SUSD6: variants seen among roughly 807,000 people sequenced by gnomAD.
SUSD6 encodes the protein sushi domain-containing protein 6.
A neutral mutation model predicts 28.4 loss-of-function variants in SUSD6; 16 were observed. The ratio of observed to expected loss-of-function variants is 0.56; its 90% CI spans 0.38 to 0.86. SUSD6 has a LOEUF of 0.86. Ranked by LOEUF, SUSD6 falls within the 40% of genes least tolerant of loss-of-function variation. The probability of loss-of-function intolerance (pLI) is 0.00; values close to 1 mark genes in which losing one functional copy is unlikely to be tolerated. For missense variants in SUSD6, 341 were observed against 384.2 expected, an observed-to-expected ratio of 0.89 and a Z score of 0.94; for synonymous variants, 147 against 159.6, an observed-to-expected ratio of 0.92 and a Z score of 0.59.
At chr14:69,617,789 C>T (rs776717061) in intron 1 of SUSD6, 16 of 152,214 alleles carry the variant, frequency 1.1e-4, no homozygotes, top group Non-Finnish European at 2.4e-4. Flanking sequence ...TGTGCACCTG[C>T]TCAAAGGCTT....
chr14:69,677,606 A>G (rs1290906394), intron 2 of SUSD6, among the ~76,000 whole-genome samples: 1 of 145,292 alleles, frequency 6.9e-6, no homozygotes, highest in Non-Finnish European at 1.5e-5. Flanking sequence ...TAGCTTTCAG[A>G]TGACTGTTTT....
intron 1 of SUSD6, among the ~76,000 whole-genome samples, chr14:69,642,353 C>G (rs1885364454): frequency 6.6e-6 from 1 of 152,166 alleles, no homozygotes. Context: ...TATTAGAAGA[C>G]TTTTCTGCCT....
At chr14:69,692,294 A>C (rs1053162243) in intron 2 of SUSD6, among the ~76,000 whole-genome samples, 6 of 152,194 alleles carry the variant, frequency 3.9e-5, no homozygotes, top group Non-Finnish European at 8.8e-5. Context: ...GAATTATAGC[A>C]GCTTTTGTCC....
At chr14:69,655,607 GGCGACATAGTGA>G (rs2139612643) in intron 1 of SUSD6, among the ~76,000 whole-genome samples, 1 of 151,936 alleles carries the variant, frequency 6.6e-6, no homozygotes, top group Non-Finnish European at 1.5e-5. Context: ...GAGCAGCCTG[GGCGACATAGTGA>G]GACATCCTCT....
chr14:69,692,923 CAT>C (rs1323803054), intron 2 of SUSD6, among the ~76,000 whole-genome samples: 1 of 152,150 alleles, frequency 6.6e-6, no homozygotes. Flanking sequence ...AGAGCAAACA[CAT>C]ATTTTAGCTC....
chr14:69,689,526 C>A (rs1454567319), intron 2 of SUSD6, among the ~76,000 whole-genome samples: 1 of 152,220 alleles, frequency 6.6e-6, no homozygotes, highest in Non-Finnish European at 1.5e-5. Flanking sequence ...CTCAAGGGCA[C>A]ACCATGTGTA....
rs1022377220 is a variant in SUSD6 at position 69,714,881 on chromosome 14, C to T, written c.*3902C>T. 1.8e-4 allele frequency: 27 copies of T among 152,154 alleles called. No homozygotes were observed. Among genetic ancestry groups the T allele is most frequent in the African/African-American group, 6.5e-4 (27 of 41,420 alleles). 9.4% of individuals were successfully genotyped at this position (152,154 alleles called of 1,614,324 possible). A position where few individuals can be genotyped will look rare whatever the true frequency, so the allele number is the denominator to read the frequency against. On this transcript the variant is annotated 3_prime_UTR_variant, in exon 6 of 6. Coordinates refer to ENST00000342745, the MANE Select transcript of SUSD6 (RefSeq NM_014734.4). ...CCCTGCCCTGGCTTCTTCAGGTTAT[C>T]GCACCACTATGGAATCCTTTGCAGA...
At position 69,633,942 on chromosome 14, in the gene SUSD6, G is replaced by T. The variant is rs185352204; in HGVS notation, c.-81+22114G>T. ...TTCCCAGTAGGATTTTGGGTGGCCTGGAGCACAGCAGCAGCTGGAGGCTGG... is the reference window on the plus strand; with the variant it reads ...TTCCCAGTAGGATTTTGGGTGGCCTTGAGCACAGCAGCAGCTGGAGGCTGG... On this transcript the variant is annotated intron_variant, in intron 1 of 5. Coordinates refer to ENST00000342745, the MANE Select transcript of SUSD6 (RefSeq NM_014734.4). Among the ~76,000 whole-genome samples the T allele has an allele frequency of 4.1e-4, 63 of 152,340 alleles. 2 individuals carry two copies. Among genetic ancestry groups the T allele is most frequent in the Admixed American group, 2.9e-3 (45 of 15,304 alleles).
intron 2 of SUSD6, among the ~76,000 whole-genome samples, chr14:69,688,759 A>G (rs1293370975): frequency 6.6e-6 from 1 of 152,226 alleles, no homozygotes; most frequent in Non-Finnish European, 1.5e-5. Context: ...CAGGGGATGT[A>G]GGCAGACTTA....
chr14:69,645,835 C>T (rs926955225), intron 1 of SUSD6, among the ~76,000 whole-genome samples: 11 of 151,964 alleles, frequency 7.2e-5, no homozygotes, highest in African/African-American at 2.4e-4. Flanking sequence ...CTGTAACCTC[C>T]GCCTCCCTGC....
At chr14:69,669,303 C>T (rs566641613) in intron 2 of SUSD6, among the ~76,000 whole-genome samples, 1 of 152,158 alleles carries the variant, frequency 6.6e-6, no homozygotes, top group African/African-American at 2.4e-5. Flanking sequence ...ACCTCGTGAT[C>T]CACCTGCCTC....
intron 1 of SUSD6, among the ~76,000 whole-genome samples, chr14:69,616,514 A>C (rs1329713256): frequency 6.6e-6 from 1 of 152,254 alleles, no homozygotes; most frequent in Non-Finnish European, 1.5e-5. Context: ...GATTGTTCTC[A>C]GTTGAGCTCA....
At chr14:69,653,052 G>C (rs1885526731) in intron 1 of SUSD6, among the ~76,000 whole-genome samples, 1 of 152,194 alleles carries the variant, frequency 6.6e-6, no homozygotes, top group South Asian at 2.1e-4. Flanking sequence ...TTACAAATGA[G>C]GAAACAGGGG....
At chr14:69,620,603 A>C (rs1256536790) in intron 1 of SUSD6, among the ~76,000 whole-genome samples, 1 of 152,204 alleles carries the variant, frequency 6.6e-6, no homozygotes, top group Non-Finnish European at 1.5e-5. Flanking sequence ...GGGATTTGTC[A>C]GTTACTTCTG....
intron 1 of SUSD6, among the ~76,000 whole-genome samples, chr14:69,612,859 C>T (rs1040524082): frequency 1.3e-5 from 2 of 152,168 alleles, no homozygotes; most frequent in African/African-American, 4.8e-5. Flanking sequence ...GTATGTCTTT[C>T]CTTCACAGTA....
chr14:69,633,407 G>A (rs930060990), intron 1 of SUSD6, among the ~76,000 whole-genome samples: 18 of 152,044 alleles, frequency 1.2e-4, no homozygotes, highest in Non-Finnish European at 2.9e-5. Context: ...CTCTCTTCCC[G>A]ACCTTACCCT....
intron 2 of SUSD6, among the ~76,000 whole-genome samples, chr14:69,690,979 C>T (rs955117144): frequency 6.6e-6 from 1 of 152,150 alleles, no homozygotes; most frequent in Non-Finnish European, 1.5e-5. Context: ...GGACCCCACC[C>T]CCCAGAATGT....
At chr14:69,663,147 A>G (rs189132207) in intron 2 of SUSD6, among the ~76,000 whole-genome samples, 1 of 152,342 alleles carries the variant, frequency 6.6e-6, no homozygotes, top group East Asian at 1.9e-4. Context: ...CAGAAAGCTC[A>G]TGTTTGCATA....
At chr14:69,694,592 G>A (rs1886197432) in intron 2 of SUSD6, among the ~76,000 whole-genome samples, 1 of 152,234 alleles carries the variant, frequency 6.6e-6, no homozygotes, top group African/African-American at 2.4e-5. Context: ...TAGGCTGGGA[G>A]AGAAACAGTA....
Sources: gnomAD v4.1 joint callset for allele counts (sites outside exome capture counted in the v4.1 genomes callset) on GRCh38, gnomAD v4.1.1 for gene constraint, MANE v1.5 for transcripts, NCBI Gene and HGNC (gene_info 2026-07-23, HGNC 2026-07-21) for gene names.